The following PAX7 variants were observed in gnomAD, a reference collection of about 807,000 sequenced individuals.
PAX7 encodes the protein paired box 7, also known as paired box protein Pax-7.
Under a neutral mutation model 50.7 loss-of-function variants are expected in PAX7, and 18 were observed. The observed-to-expected ratio is 0.36, with a 90% CI of 0.25 to 0.53. The LOEUF (loss-of-function observed/expected upper bound fraction) is 0.53, where lower values mean the gene tolerates loss of function less well. PAX7 is among the 20% of genes least tolerant of loss of function. PAX7 has a pLI of 0.93. For missense variants in PAX7, 644 were observed against 702.9 expected (o/e 0.92, Z 0.95); for synonymous variants, 310 against 290.4 (o/e 1.07, Z -0.69).
chr1:18,693,066 C>CGG (rs2089098410), intron 5 of PAX7, among the ~76,000 whole-genome samples: 1 of 152,038 alleles, frequency 6.6e-6, no homozygotes, highest in East Asian at 1.9e-4. Flanking sequence ...GAGGAAGAGC[C>CGG]GGGACAAGTC....
At chr1:18,637,527 A>T (rs10907325) in intron 4 of PAX7, among the ~76,000 whole-genome samples, 90,509 of 152,102 alleles carry the variant, frequency 0.6, 28,228 homozygotes, top group African/African-American at 0.78. Flanking sequence ...GCAAAAAGCC[A>T]GTGTTGTTTC....
rs576519380 is a variant in PAX7, at chr1:18,747,576, T to C, written c.*2647T>C. 1.2e-4 allele frequency: 26 copies of C among 212,452 alleles called. No homozygotes were observed. Among genetic ancestry groups the C allele is most frequent in the Admixed American group, 7.0e-4 (12 of 17,072 alleles). 13.2% of individuals were successfully genotyped at this position (212,452 alleles called of 1,614,324 possible). ...CACAAGGCCTCCATCTCTTTGGGGCTGACCACAGCCTGAGAAAGAAGGTCT... is the reference window on the plus strand; with the variant it reads ...CACAAGGCCTCCATCTCTTTGGGGCCGACCACAGCCTGAGAAAGAAGGTCT... On this transcript the variant is annotated 3_prime_UTR_variant, in exon 9 of 9. Coordinates refer to ENST00000420770, the MANE Select transcript of PAX7 (RefSeq NM_001135254.2).
chr1:18,741,838 G>GCAT (rs1205002270), intron 8 of PAX7, among the ~76,000 whole-genome samples: 14 of 152,210 alleles, frequency 9.2e-5, no homozygotes, highest in African/African-American at 2.9e-4. Context: ...CTAGTGTTTT[G>GCAT]CATGTACAAA....
intron 8 of PAX7, among the ~76,000 whole-genome samples, chr1:18,741,423 C>A (rs982379912): frequency 8.6e-5 from 13 of 150,612 alleles, no homozygotes; most frequent in Non-Finnish European, 1.9e-4. Flanking sequence ...GCACTACAGC[C>A]TGGGAGACAG....
At position 18,747,488 on chromosome 1, in the gene PAX7, A is replaced by G. The variant is rs1931492220; in HGVS notation, c.*2559A>G. The G allele has an allele frequency of 4.6e-6, 1 of 217,618 alleles. No homozygotes were observed. The highest frequency in any genetic ancestry group is 2.3e-5 in the African/African-American group (1 of 44,438). 13.5% of individuals were successfully genotyped at this position (217,618 alleles called of 1,614,324 possible). On this transcript the variant is annotated 3_prime_UTR_variant, in exon 9 of 9. Transcript: ENST00000420770. Reference sequence around the variant, plus strand: ...TTAACGCATCTGGCCAACTTGGGTTATAAAATTCAGCCTTGTGTTGGCAAC... The same window carrying G: ...TTAACGCATCTGGCCAACTTGGGTTGTAAAATTCAGCCTTGTGTTGGCAAC...
In PAX7 at chr1:18,700,771, C is replaced by A; in HGVS notation, c.905C>A (p.Pro302His). The change falls in exon 6 of 9, where the codon CCC becomes CAC. Residue 302 changes from proline (P) to histidine (H), a missense_variant. Coordinates refer to ENST00000420770, the MANE Select transcript of PAX7 (RefSeq NM_001135254.2). This position sits in a 1 kb window ranked among gnomAD's most constrained non-coding sequence, Gnocchi z 4.8. The part of the protein sequence containing the change: ...FPPTGMPTLP[P>H]YQLPDSTYPT... ...CCCACCGGCATGCCCACGCTGCCCC[C>A]CTACCAGCTGCCGGACTCCACCTAC... 6.3e-7 allele frequency: 1 copy of A among 1,586,876 alleles called. No homozygotes were observed.
intron 7 of PAX7, among the ~76,000 whole-genome samples, chr1:18,725,345 G>A (rs1010868223): frequency 3.3e-5 from 5 of 149,936 alleles, no homozygotes; most frequent in African/African-American, 9.8e-5. Flanking sequence ...AGGGGGGCCT[G>A]AGAGCCCAGA....
chr1:18,640,443 A>G (rs1344371509), intron 4 of PAX7, among the ~76,000 whole-genome samples: 1 of 130,500 alleles, frequency 7.7e-6, no homozygotes, highest in Non-Finnish European at 1.6e-5. Context: ...TGGAAGGGAC[A>G]TTGTTTACGG....
At chr1:18,652,233 G>A (rs937178224) in intron 4 of PAX7, among the ~76,000 whole-genome samples, 2 of 151,596 alleles carry the variant, frequency 1.3e-5, no homozygotes, top group Non-Finnish European at 2.9e-5. Context: ...ACCTCAACTG[G>A]CCCCCTTCTC....
rs542004545 is a variant in PAX7, at chr1:18,638,288, G to T, written c.586+1917G>T. 3.3e-5 allele frequency among the ~76,000 whole-genome samples: 5 copies of T among 152,360 alleles called. No individual in the cohort carries two copies. In the South Asian group the frequency reaches 1.0e-3, roughly 32 times the overall value. On this transcript the variant is annotated intron_variant, in intron 4 of 8. Coordinates refer to ENST00000420770, the MANE Select transcript of PAX7 (RefSeq NM_001135254.2). ...AGAGGATGGAAAGATCGTGCGGTTT[G>T]GAGGATTCCTCTGATTCCAGGGAAT...
At chr1:18,673,336 C>T (rs2088779580) in intron 4 of PAX7, among the ~76,000 whole-genome samples, 1 of 152,144 alleles carries the variant, frequency 6.6e-6, no homozygotes, top group African/African-American at 2.4e-5. Context: ...GAGAAGACCA[C>T]ATGCTCTTCA....
At chr1:18,641,040 CAAT>C (rs931011698) in intron 4 of PAX7, among the ~76,000 whole-genome samples, 26 of 152,366 alleles carry the variant, frequency 1.7e-4, no homozygotes, top group Admixed American at 6.5e-4. Context: ...CGAGAAACAA[CAAT>C]GAGGAGATAA....
At chr1:18,719,689 T>C (rs138760055) in intron 7 of PAX7, among the ~76,000 whole-genome samples, 63 of 152,340 alleles carry the variant, frequency 4.1e-4, no homozygotes, top group Middle Eastern at 3.4e-3. Context: ...GATAATGACC[T>C]CTGCTGGCCC....
chr1:18,728,291 C>T (rs950057616), intron 7 of PAX7, among the ~76,000 whole-genome samples: 8 of 151,900 alleles, frequency 5.3e-5, no homozygotes, highest in African/African-American at 1.7e-4. Flanking sequence ...TGGGTGCCTG[C>T]GGGTTTTCAT....
In PAX7 at chr1:18,634,292, C is replaced by A; in HGVS notation, c.86-11C>A. The A allele has an allele frequency of 6.2e-7, 1 of 1,609,072 alleles. No individual in the cohort carries two copies. The highest frequency in any genetic ancestry group is 8.5e-7 in the Non-Finnish European group (1 of 1,176,336). On this transcript the variant is annotated splice_polypyrimidine_tract_variant and intron_variant, in intron 1 of 8. Transcript: ENST00000420770. This position sits in a 1 kb window ranked among gnomAD's most constrained non-coding sequence, Gnocchi z 4.0. The stretch of plus-strand genomic sequence containing the variant: ...ACCTCTCTCCTTCTGCATCTCCCCT[C>A]CCTTCTCCAGTGTCCACCCCGCTTG...
At chr1:18,647,469 G>C (rs868781569) in intron 4 of PAX7, among the ~76,000 whole-genome samples, 64 of 138,340 alleles carry the variant, frequency 4.6e-4, no homozygotes, top group Middle Eastern at 7.3e-3. Context: ...TGCTGTAGAG[G>C]AGATGCCTGA....
At chr1:18,645,141 C>T (rs146326147) in intron 4 of PAX7, among the ~76,000 whole-genome samples, 69 of 152,090 alleles carry the variant, frequency 4.5e-4, no homozygotes, top group African/African-American at 1.3e-3. Flanking sequence ...AGTGTGTGTG[C>T]GCGCGCGCGC....
Position 18,711,639 on chromosome 1 carries a change from C to T in PAX7, c.1155+8343C>T, listed in dbSNP as rs145906686. Among the ~76,000 whole-genome samples, 231 of 152,200 alleles carry T rather than the reference C, an allele frequency of 1.5e-3. 1 individual carries two copies. Among genetic ancestry groups the T allele is most frequent in the African/African-American group, 5.1e-3 (213 of 41,522 alleles). The stretch of plus-strand genomic sequence containing the variant: ...CCTCCCTCAAGCCCCTGGGGAAGGA[C>T]GAGCTGATGGAGGAGTGCTTGACTC... On this transcript the variant is annotated intron_variant, in intron 7 of 8. Coordinates refer to ENST00000420770, the MANE Select transcript of PAX7 (RefSeq NM_001135254.2).
chr1:18,680,983 C>T (rs2743212), intron 4 of PAX7, among the ~76,000 whole-genome samples: 1,718 of 152,038 alleles, frequency 0.011, 18 homozygotes, highest in Non-Finnish European at 0.016. Context: ...GCCTGACCAA[C>T]ATGGAGAAAC....
Sources: gnomAD v4.1 joint callset for allele counts (sites outside exome capture counted in the v4.1 genomes callset) on GRCh38, gnomAD v4.1.1 for gene constraint, Gnocchi (gnomAD v3.1) non-coding constraint, MANE v1.5 for transcripts, NCBI Gene and HGNC (gene_info 2026-07-23, HGNC 2026-07-21) for gene names.